Variants in DMD observed in about 807,000 individuals in gnomAD.
DMD encodes the protein mutant dystrophin.
A neutral mutation model predicts 330.1 loss-of-function variants in DMD; 63 were observed. The observed-to-expected ratio is 0.19, with a 90% CI of 0.16 to 0.24. The LOEUF is 0.24. DMD is among the 10% of genes least tolerant of loss of function. The probability of loss-of-function intolerance (pLI) is 1.00; values close to 1 mark genes in which losing one functional copy is unlikely to be tolerated. For missense variants in DMD, 3,344 were observed against 2,684.1 expected (o/e 1.25, Z -5.43); for synonymous variants, 1,223 against 959.8 (o/e 1.27, Z -5.07).
At chrX:32,280,683 C>T (rs2097417516) in intron 43 of DMD, among the ~76,000 whole-genome samples, 1 of 111,842 alleles carries the variant, frequency 8.9e-6, no homozygotes, top group South Asian at 3.7e-4. Flanking sequence ...CATTTAGGAA[C>T]AAACAATTCT....
At chrX:32,449,302 G>T (rs748035741) in intron 26 of DMD, among the ~76,000 whole-genome samples, 1 of 110,381 alleles carries the variant, frequency 9.1e-6, no homozygotes, top group Non-Finnish European at 1.9e-5. Flanking sequence ...TTCCATAATG[G>T]ATCAAGACCA....
At chrX:31,880,642 T>C (rs1281491330) in intron 47 of DMD, among the ~76,000 whole-genome samples, 1 of 112,139 alleles carries the variant, frequency 8.9e-6, no homozygotes, top group Non-Finnish European at 1.9e-5. Context: ...TGGAGCCCTA[T>C]TATACAGTCA....
intron 7 of DMD, among the ~76,000 whole-genome samples, chrX:32,730,755 T>G (rs1182998071): frequency 8.9e-6 from 1 of 112,046 alleles, no homozygotes; most frequent in Non-Finnish European, 1.9e-5. Flanking sequence ...ATTAAGAGTG[T>G]GGAGGCTATG....
At chrX:33,080,416 A>G (rs1207826352) in intron 1 of DMD, among the ~76,000 whole-genome samples, 1 of 111,655 alleles carries the variant, frequency 9.0e-6, no homozygotes, top group Non-Finnish European at 1.9e-5. Flanking sequence ...TCTCTTCAAC[A>G]AAAGCCATAT....
At position 31,270,293 on chromosome X, in the gene DMD, C is replaced by T. The variant is rs73617066; in HGVS notation, c.9225-9277G>A. 4.5e-3 allele frequency among the ~76,000 whole-genome samples: 501 copies of T among 110,431 alleles called. 4 individuals carry two copies. The highest frequency in any genetic ancestry group is 0.016 in the African/African-American group (480 of 30,292). On this transcript the variant is annotated intron_variant, in intron 62 of 78. Transcript: ENST00000357033. ...ATGTACCATCTGTTTCTCCCAGGAC[C>T]CTGACCAAACTGAGACCCATCCAGC...
chrX:32,717,906 G>A (rs897854603), intron 7 of DMD, among the ~76,000 whole-genome samples: 1 of 111,382 alleles, frequency 9.0e-6, no homozygotes, highest in African/African-American at 3.3e-5. Context: ...TTTTGGACTT[G>A]CACAGGGCCT....
rs779181100 is a variant in DMD, at chrX:32,380,678, T to A, written c.4677A>T (p.Val1559=). The change falls in exon 34 of 79, where the codon GTA becomes GTT. Residue 1559 remains valine, a splice_region_variant and synonymous_variant. Coordinates refer to ENST00000357033, the MANE Select transcript of DMD (RefSeq NM_004006.3). ...TCTCCAACTGTTGCTTTCTTTCTGT[T>A]ACCTGAAAAGAATTATAATGAAATG... ...KLHYNELGAK[V]TERKQQLEKC... 48 of 1,202,177 alleles carry A rather than the reference T, an allele frequency of 4.0e-5. No individual in the cohort carries two copies. The highest frequency in any genetic ancestry group is 3.4e-6 in the Non-Finnish European group (3 of 891,233).
At chrX:32,941,024 A>C (rs1271100863) in intron 2 of DMD, among the ~76,000 whole-genome samples, 1 of 112,188 alleles carries the variant, frequency 8.9e-6, no homozygotes, top group Non-Finnish European at 1.9e-5. Flanking sequence ...GAAGACATAC[A>C]AGTAGCCTAC....
chrX:31,307,453 C>T (rs1053733204), intron 62 of DMD, among the ~76,000 whole-genome samples: 7 of 111,488 alleles, frequency 6.3e-5, no homozygotes, highest in Non-Finnish European at 1.3e-4. Flanking sequence ...TATAATGATG[C>T]CTTTTGCTAC....
intron 50 of DMD, among the ~76,000 whole-genome samples, chrX:31,803,608 TTCCCTCCCTCCCTCCC>T (rs200151953): frequency 1.1e-5 from 1 of 92,198 alleles, no homozygotes; most frequent in African/African-American, 4.0e-5. Flanking sequence ...TTTCTTTTCT[TTCCCTCCCTCCCTCCC>T]TCCCTCCCTC....
intron 2 of DMD, among the ~76,000 whole-genome samples, chrX:32,869,346 T>A (rs1191947600): frequency 9.0e-6 from 1 of 111,005 alleles, no homozygotes; most frequent in African/African-American, 3.3e-5. Flanking sequence ...CCTCTTCTCC[T>A]GCAAGTGATT....
At position 32,310,085 on chromosome X, in the gene DMD, C is replaced by G. The variant is rs771083276; in HGVS notation, c.6114G>C (p.Leu2038=). 1 of 1,207,729 alleles carries G rather than the reference C, an allele frequency of 8.3e-7. No individual in the cohort carries two copies. ...FEDLFKQEES[L]KNIKDSLQQS... ...AATGAAAGTGCTTTGGTTTTACCTT[C>G]AGAGACTCCTCTTGCTTAAAGAGAT... The change falls in exon 42 of 79, where the codon CTG becomes CTC. Residue 2038 remains leucine, a synonymous_variant. Transcript: ENST00000357033.
At chrX:32,740,737 G>A (rs937696318) in intron 7 of DMD, among the ~76,000 whole-genome samples, 3 of 111,138 alleles carry the variant, frequency 2.7e-5, no homozygotes, top group African/African-American at 9.8e-5. Context: ...ACTACCTCTT[G>A]ATCTGTATCC....
At chrX:31,403,246 C>T (rs534078025) in intron 60 of DMD, among the ~76,000 whole-genome samples, 1,276 of 111,836 alleles carry the variant, frequency 0.011, 13 homozygotes, top group Non-Finnish European at 0.018. Flanking sequence ...TATTTTAACA[C>T]GCTTTGTCTA....
intron 52 of DMD, among the ~76,000 whole-genome samples, chrX:31,695,570 T>A (rs111234545): frequency 0.018 from 1,493 of 83,189 alleles, 18 homozygotes; most frequent in African/African-American, 0.076. Flanking sequence ...CCCCAAAAAA[T>A]TAAAAATAAA....
chrX:31,284,243 C>A (rs147492813), intron 62 of DMD, among the ~76,000 whole-genome samples: 4 of 111,526 alleles, frequency 3.6e-5, no homozygotes, highest in African/African-American at 1.3e-4. Flanking sequence ...TAAAAAAATC[C>A]TAAATCCAAC....
At chrX:32,636,571 G>A (rs995809793) in intron 11 of DMD, among the ~76,000 whole-genome samples, 2 of 112,046 alleles carry the variant, frequency 1.8e-5, no homozygotes, top group African/African-American at 6.5e-5. Context: ...TAGCTGAACA[G>A]TTTAATTATT....
intron 7 of DMD, among the ~76,000 whole-genome samples, chrX:32,776,402 T>A (rs778169291): frequency 2.3e-4 from 26 of 111,151 alleles, no homozygotes; most frequent in Non-Finnish European, 3.8e-4. Flanking sequence ...TTAGTCTGTT[T>A]TCACACTGTT....
chrX:32,388,944 T>A (rs1213903785), intron 32 of DMD, among the ~76,000 whole-genome samples: 2 of 111,257 alleles, frequency 1.8e-5, no homozygotes, highest in African/African-American at 6.5e-5. Context: ...TACCTTTCCA[T>A]GCCTTTTAAT....
Sources: gnomAD v4.1 joint callset for allele counts (sites outside exome capture counted in the v4.1 genomes callset) on GRCh38, gnomAD v4.1.1 for gene constraint, MANE v1.5 for transcripts, NCBI Gene and HGNC (gene_info 2026-07-23, HGNC 2026-07-21) for gene names.